Variants in SLC24A4 observed in about 807,000 individuals in gnomAD.
The protein encoded by SLC24A4 is solute carrier family 24 member 4.
SLC24A4 carries 53 observed loss-of-function variants against 79.0 expected under a neutral mutation model. The ratio of observed to expected loss-of-function variants is 0.67; its 90% CI spans 0.54 to 0.84. SLC24A4 has a LOEUF of 0.84. Among genes scored for constraint, SLC24A4 ranks in the 40% least tolerant of loss-of-function variants. The probability of loss-of-function intolerance (pLI) is 0.00; values close to 1 mark genes in which losing one functional copy is unlikely to be tolerated. For synonymous variants in SLC24A4, 323 were observed against 323.8 expected (o/e 1.00, Z 0.03); for missense variants, 731 against 822.0 (o/e 0.89, Z 1.35).
At chr14:92,354,350 A>G (rs1311519564) in intron 2 of SLC24A4, among the ~76,000 whole-genome samples, 1 of 151,722 alleles carries the variant, frequency 6.6e-6, no homozygotes, top group Non-Finnish European at 1.5e-5. Context: ...ACGGGGTTTC[A>G]CTGTATTAGT....
chr14:92,490,184 G>A lies in SLC24A4; in HGVS notation c.1538-1481G>A, dbSNP rs906018563. ...CCTGCCGTATGTGCCAGCTACCAAA[G>A]CAATGTTGTGGTTCTAGGCATGTGC... On this transcript the variant is annotated intron_variant, in intron 14 of 16. Transcript: ENST00000532405. This position sits in a 1 kb window ranked among gnomAD's most constrained non-coding sequence, Gnocchi z 4.3. 6.6e-6 allele frequency among the ~76,000 whole-genome samples: 1 copy of A among 152,346 alleles called. No individual in the cohort carries two copies. Among genetic ancestry groups the A allele is most frequent in the Non-Finnish European group, 1.5e-5 (1 of 68,038 alleles).
At chr14:92,481,888 T>C (rs1895087711) in intron 12 of SLC24A4, among the ~76,000 whole-genome samples, 1 of 152,240 alleles carries the variant, frequency 6.6e-6, no homozygotes, top group South Asian at 2.1e-4. Context: ...TGTGCACACC[T>C]ATCTTCAGTG....
intron 2 of SLC24A4, among the ~76,000 whole-genome samples, chr14:92,400,762 C>T (rs920673860): frequency 6.6e-6 from 1 of 152,180 alleles, no homozygotes; most frequent in Non-Finnish European, 1.5e-5. Context: ...AGCCTAAGCA[C>T]GTGGGTCCCC....
intron 2 of SLC24A4, among the ~76,000 whole-genome samples, chr14:92,409,973 T>G (rs1024293205): frequency 6.6e-6 from 1 of 152,150 alleles, no homozygotes; most frequent in African/African-American, 2.4e-5. Flanking sequence ...TTTTCACTTA[T>G]AAGTGAGAGC....
intron 2 of SLC24A4, among the ~76,000 whole-genome samples, chr14:92,394,429 C>T (rs1474215896): frequency 1.3e-5 from 2 of 151,150 alleles, no homozygotes; most frequent in Non-Finnish European, 2.9e-5. Context: ...GACCCCATCT[C>T]TAAAAAAAAA....
chr14:92,391,171 C>G (rs1314717840), intron 2 of SLC24A4, among the ~76,000 whole-genome samples: 1 of 152,198 alleles, frequency 6.6e-6, no homozygotes, highest in Non-Finnish European at 1.5e-5. Flanking sequence ...CCTCAGCCAC[C>G]ACTCTCCATG....
At chr14:92,361,331 A>G (rs929139482) in intron 2 of SLC24A4, among the ~76,000 whole-genome samples, 6 of 150,938 alleles carry the variant, frequency 4.0e-5, no homozygotes, top group African/African-American at 1.5e-4. Flanking sequence ...CTCCTTGGAA[A>G]GTGTTCTGGG....
At chr14:92,488,074 C>CTTT (rs777031420) in intron 14 of SLC24A4, among the ~76,000 whole-genome samples, 112 of 138,798 alleles carry the variant, frequency 8.1e-4, no homozygotes, top group African/African-American at 2.6e-3. Flanking sequence ...CCTTCTTCCT[C>CTTT]TTTTTTTTTT....
At chr14:92,459,834 G>A (rs981759625) in intron 12 of SLC24A4, among the ~76,000 whole-genome samples, 4 of 152,096 alleles carry the variant, frequency 2.6e-5, no homozygotes, top group Non-Finnish European at 4.4e-5. Flanking sequence ...GTGAGACTCC[G>A]CCCCCGACAG....
chr14:92,382,916 C>T (rs1179339863), intron 2 of SLC24A4, among the ~76,000 whole-genome samples: 1 of 152,172 alleles, frequency 6.6e-6, no homozygotes, highest in African/African-American at 2.4e-5. Flanking sequence ...ATAAAGAGAC[C>T]TGGATTTACA....
chr14:92,435,970 G>A (rs927410658), intron 3 of SLC24A4, among the ~76,000 whole-genome samples: 1 of 152,218 alleles, frequency 6.6e-6, no homozygotes, highest in Non-Finnish European at 1.5e-5. Context: ...GAACCTGAGT[G>A]CACCGTGGGA....
chr14:92,357,762 C>T (rs1281699210), intron 2 of SLC24A4, among the ~76,000 whole-genome samples: 6 of 152,132 alleles, frequency 3.9e-5, no homozygotes, highest in South Asian at 4.1e-4. Context: ...TGGCGCTGGA[C>T]GGGGGTGATG....
At chr14:92,484,330 T>G in intron 13 of SLC24A4, 1 of 985,390 alleles carries the variant, frequency 1.0e-6, no homozygotes, top group Non-Finnish European at 1.2e-6. Context: ...TGAGTGTCCT[T>G]ACTCATGCAG....
intron 2 of SLC24A4, among the ~76,000 whole-genome samples, chr14:92,422,420 A>G (rs1430180019): frequency 6.6e-6 from 1 of 152,248 alleles, no homozygotes; most frequent in Non-Finnish European, 1.5e-5. Context: ...TTTGTTAGAC[A>G]GTCAAGTGCT....
chr14:92,374,805 A>G (rs1040257008), intron 2 of SLC24A4, among the ~76,000 whole-genome samples: 3 of 152,216 alleles, frequency 2.0e-5, no homozygotes, highest in Non-Finnish European at 4.4e-5. Flanking sequence ...AATATTTTGC[A>G]ATTTGCTCAC....
intron 2 of SLC24A4, among the ~76,000 whole-genome samples, chr14:92,388,854 G>A (rs1889311998): frequency 6.6e-6 from 1 of 152,220 alleles, no homozygotes; most frequent in African/African-American, 2.4e-5. Flanking sequence ...CTGGGGCCCA[G>A]GAGACATCTT....
At chr14:92,388,405 G>A (rs1052240767) in intron 2 of SLC24A4, among the ~76,000 whole-genome samples, 7 of 152,162 alleles carry the variant, frequency 4.6e-5, no homozygotes, top group Non-Finnish European at 8.8e-5. Context: ...TGTGGCTGCC[G>A]GTGCTCAGTC....
chr14:92,472,370 C>T (rs1284425332), intron 12 of SLC24A4, among the ~76,000 whole-genome samples: 1 of 152,094 alleles, frequency 6.6e-6, no homozygotes, highest in African/African-American at 2.4e-5. Context: ...ACATACTGAA[C>T]CCAATTTGTC....
chr14:92,483,739 G>A, intron 13 of SLC24A4: 1 of 1,289,978 alleles, frequency 7.8e-7, no homozygotes, highest in Non-Finnish European at 1.0e-6. Flanking sequence ...AGCAAAGAGA[G>A]GGGAAGCAGT....
Sources: allele counts gnomAD v4.1 joint callset (sites outside exome capture counted in the v4.1 genomes callset), GRCh38; gene constraint gnomAD v4.1.1; non-coding constraint Gnocchi (gnomAD v3.1); transcripts MANE v1.5; gene names NCBI Gene and HGNC (gene_info 2026-07-23, HGNC 2026-07-21).